PIK3R6: variants seen among roughly 807,000 people sequenced by gnomAD.
PIK3R6 encodes phosphoinositide-3-kinase regulatory subunit 6.
PIK3R6 carries 91 observed loss-of-function variants against 84.9 expected under a neutral mutation model. That is an observed-to-expected ratio of 1.07 (90% confidence interval 0.90 to 1.28). The LOEUF is 1.28. Among genes scored for constraint, PIK3R6 ranks in the 50% most tolerant of loss-of-function variants. The pLI is 0.00. For synonymous variants in PIK3R6, 416 were observed against 411.4 expected, an observed-to-expected ratio of 1.01 and a Z score of -0.13; for missense variants, 996 against 985.1, an observed-to-expected ratio of 1.01 and a Z score of -0.15.
intron 13 of PIK3R6, among the ~76,000 whole-genome samples, chr17:8,825,124 A>C (rs1281443987): frequency 6.6e-6 from 1 of 152,186 alleles, no homozygotes; most frequent in Admixed American, 6.6e-5. Context: ...ACGAGTAATA[A>C]ATTTAGTGAG....
In PIK3R6 at chr17:8,828,528, G is replaced by T; in HGVS notation, c.1313+39C>A. 1.9e-6 allele frequency: 3 copies of T among 1,597,646 alleles called. No individual in the cohort carries two copies. The South Asian group carries it at 3.4e-5, about 18-fold the overall frequency. ...CCACGCCAGGCCCACCTGTGCCCCT[G>T]ACCAGCGCCCACCCCCAGCCCCCAC... On this transcript the variant is annotated intron_variant, in intron 11 of 19. Coordinates refer to ENST00000619866, the MANE Select transcript of PIK3R6 (RefSeq NM_001010855.4).
chr17:8,815,504 C>CAA (rs200757846), intron 18 of PIK3R6, among the ~76,000 whole-genome samples: 11 of 127,592 alleles, frequency 8.6e-5, no homozygotes, highest in African/African-American at 3.2e-4. Context: ...GACTCAGTCT[C>CAA]AGAAAAAAAA....
intron 2 of PIK3R6, among the ~76,000 whole-genome samples, chr17:8,848,401 GAA>G (rs2088861387): frequency 1.3e-5 from 2 of 152,156 alleles, no homozygotes; most frequent in Non-Finnish European, 2.9e-5. Flanking sequence ...TATGTTCCGA[GAA>G]ATATGTCACG....
Position 8,844,856 on chromosome 17 carries a change from T to C in PIK3R6, c.13+4926A>G, listed in dbSNP as rs1439015020. On this transcript the variant is annotated intron_variant, in intron 2 of 19. Transcript: ENST00000619866. This position sits in a 1 kb window ranked among gnomAD's most constrained non-coding sequence, Gnocchi z 4.5. Reference sequence around the variant, plus strand: ...CCATTCTAGTAGCCCCCAGTTTCTATTGTTGCCATCTTTGTGTCCATGAGT... The same window carrying C: ...CCATTCTAGTAGCCCCCAGTTTCTACTGTTGCCATCTTTGTGTCCATGAGT... Among the ~76,000 whole-genome samples the C allele has an allele frequency of 6.6e-6, 1 of 152,100 alleles. No individual in the cohort carries two copies. Among genetic ancestry groups the C allele is most frequent in the Non-Finnish European group, 1.5e-5 (1 of 68,022 alleles).
intron 6 of PIK3R6, 84 bp downstream of exon 6, chr17:8,836,706 TC>T (rs2088478973): frequency 8.1e-6 from 13 of 1,610,530 alleles, no homozygotes; most frequent in Non-Finnish European, 1.1e-5. Flanking sequence ...GCTTTTGAGC[TC>T]CCCGGTATCC....
intron 1 of PIK3R6, among the ~76,000 whole-genome samples, chr17:8,860,141 A>C (rs1597444272): frequency 6.6e-6 from 1 of 151,974 alleles, no homozygotes; most frequent in Non-Finnish European, 1.5e-5. Flanking sequence ...GAAAAGCCAG[A>C]CTCCTTCTTA....
chr17:8,829,725 C>G lies in PIK3R6; in HGVS notation c.870G>C (p.Trp290Cys), dbSNP rs753268978. 1 of 1,553,326 alleles carries G rather than the reference C, an allele frequency of 6.4e-7. No homozygotes were observed. Among genetic ancestry groups the G allele is most frequent in the South Asian group, 1.2e-5 (1 of 84,070 alleles). The change falls in exon 10 of 20, where the codon TGG becomes TGC. Residue 290 changes from tryptophan (W) to cysteine (C), a missense_variant. Transcript: ENST00000619866. ...LPSPYITFHL[W>C]TGEEQLWKEL... ...ACGTACAGAGCTGCTCCTCACCGGT[C>G]CACAAGTGGAAGGTGATGTAGGGGC...
At chr17:8,865,866 A>C (rs1597450647) in intron 1 of PIK3R6, among the ~76,000 whole-genome samples, 1 of 113,020 alleles carries the variant, frequency 8.8e-6, no homozygotes, top group Non-Finnish European at 1.7e-5. Context: ...GATATGAAAG[A>C]GCCAGTGGGG....
At position 8,862,921 on chromosome 17, in the gene PIK3R6, C is replaced by T. The variant is rs2089316346; in HGVS notation, c.-92+4608G>A. On this transcript the variant is annotated intron_variant, in intron 1 of 19. Coordinates refer to ENST00000619866, the MANE Select transcript of PIK3R6 (RefSeq NM_001010855.4). The surrounding 1 kb of genome is among the most constrained non-coding windows in gnomAD (Gnocchi z 4.3). ...TCACTTACACTGCCCACAGCATTCA[C>T]TCATGGTTTCACTTATTCCATAGTT... Among the ~76,000 whole-genome samples, 2 of 152,194 alleles carry T rather than the reference C, an allele frequency of 1.3e-5. No individual in the cohort carries two copies. The highest frequency in any genetic ancestry group is 6.5e-5 in the Admixed American group (1 of 15,286).
intron 10 of PIK3R6, among the ~76,000 whole-genome samples, 194 bp from the exon 11 acceptor site, chr17:8,829,184 G>GACAT (rs1423522309): frequency 1.5e-5 from 2 of 129,706 alleles, no homozygotes; most frequent in African/African-American, 6.3e-5. Context: ...TACAGACACA[G>GACAT]ACAGACATAC....
intron 10 of PIK3R6, among the ~76,000 whole-genome samples, chr17:8,829,427 CTCAT>C (rs1307873572): frequency 1.3e-5 from 2 of 150,904 alleles, no homozygotes; most frequent in African/African-American, 4.9e-5. Context: ...CACTGACACA[CTCAT>C]GGATACACAC....
chr17:8,823,972 A>G (rs1352894207), intron 13 of PIK3R6, among the ~76,000 whole-genome samples: 1 of 152,200 alleles, frequency 6.6e-6, no homozygotes, highest in Non-Finnish European at 1.5e-5. Context: ...CTCTGCATCT[A>G]TTAATAAACT....
chr17:8,822,858 C>A (rs1597391194), intron 15 of PIK3R6, 138 bp downstream of exon 15: 2 of 960,848 alleles, frequency 2.1e-6, no homozygotes, highest in East Asian at 4.9e-5. Flanking sequence ...CCTTGGCATT[C>A]AGCAGAGGTA....
At chr17:8,837,768 C>T (rs771540229) in intron 5 of PIK3R6, 35 bp downstream of exon 5, 1 of 1,576,956 alleles carries the variant, frequency 6.3e-7, no homozygotes, top group South Asian at 1.1e-5. Context: ...ACATGCAGGT[C>T]ACCACTACCA....
intron 18 of PIK3R6, among the ~76,000 whole-genome samples, chr17:8,818,270 T>C (rs1276162668): frequency 6.6e-6 from 1 of 152,124 alleles, no homozygotes; most frequent in Non-Finnish European, 1.5e-5. Flanking sequence ...GGCGCAATCA[T>C]GGGGCACCAA....
chr17:8,865,841 G>T (rs997113652), intron 1 of PIK3R6, among the ~76,000 whole-genome samples: 1 of 150,482 alleles, frequency 6.6e-6, no homozygotes, highest in Admixed American at 6.6e-5. Context: ...GCTTCTGGCT[G>T]GAAGGAAACA....
chr17:8,836,536 G>A lies in PIK3R6; in HGVS notation c.461+11C>T. 6.2e-7 allele frequency: 1 copy of A among 1,613,822 alleles called. No individual in the cohort carries two copies. The highest frequency in any genetic ancestry group is 8.5e-7 in the Non-Finnish European group (1 of 1,179,848). On this transcript the variant is annotated intron_variant, in intron 7 of 19. Coordinates refer to ENST00000619866, the MANE Select transcript of PIK3R6 (RefSeq NM_001010855.4). ...GAGGCTGAAGGTAGCAATTTTTCTG[G>A]GGCCACTCACCTCTCCTGGTAGGGA... is the stretch of plus-strand genomic sequence containing the variant.
At chr17:8,818,218 G>A (rs1314360868) in intron 18 of PIK3R6, among the ~76,000 whole-genome samples, 1 of 152,204 alleles carries the variant, frequency 6.6e-6, no homozygotes, top group Non-Finnish European at 1.5e-5. Context: ...AAGCCTGCTG[G>A]GTGGTGCATG....
At chr17:8,837,538 G>T (rs1430150014) in intron 5 of PIK3R6, among the ~76,000 whole-genome samples, 1 of 152,004 alleles carries the variant, frequency 6.6e-6, no homozygotes, top group African/African-American at 2.4e-5. Flanking sequence ...TCTGTGTAGG[G>T]ATCAGTGATG....
Sources: gnomAD v4.1 joint callset for allele counts (sites outside exome capture counted in the v4.1 genomes callset) on GRCh38, gnomAD v4.1.1 for gene constraint, Gnocchi (gnomAD v3.1) non-coding constraint, MANE v1.5 for transcripts, NCBI Gene and HGNC (gene_info 2026-07-23, HGNC 2026-07-21) for gene names.